TFAP2E: variants seen among roughly 807,000 people sequenced by gnomAD.
The protein encoded by TFAP2E is transcription factor AP-2-epsilon.
TFAP2E carries 30 observed loss-of-function variants against 37.9 expected under a neutral mutation model. The observed-to-expected ratio is 0.79, with a 90% CI of 0.59 to 1.07. The LOEUF is 1.07. TFAP2E is among the 50% of genes least tolerant of loss of function. The pLI, the probability that TFAP2E is intolerant of heterozygous loss-of-function variation, is 0.00. For synonymous variants in TFAP2E, 318 were observed against 295.8 expected (o/e 1.08, Z -0.77); for missense variants, 567 against 637.9 (o/e 0.89, Z 1.20).
Position 35,590,591 on chromosome 1 carries a change from G to A in TFAP2E, c.905-43G>A, listed in dbSNP as rs183770262. ...AGAGGTTCAAAGCTGTGTTCCAGGCGCAGAGGTACACCCTGCAGTAGTGAC... is the reference window on the plus strand; with the variant it reads ...AGAGGTTCAAAGCTGTGTTCCAGGCACAGAGGTACACCCTGCAGTAGTGAC... On this transcript the variant is annotated intron_variant, in intron 5 of 6. Coordinates refer to ENST00000373235, the MANE Select transcript of TFAP2E (RefSeq NM_178548.4). The surrounding 1 kb of genome is among the most constrained non-coding windows in gnomAD (Gnocchi z 6.2). 227 of 1,419,122 alleles carry A rather than the reference G, an allele frequency of 1.6e-4. No individual in the cohort carries two copies. Among genetic ancestry groups the A allele is most frequent in the Non-Finnish European group, 2.0e-4 (210 of 1,075,736 alleles). The allele number at this position is 1,419,122 out of a possible 1,614,324, so 87.9% of individuals were successfully genotyped here. A position where few individuals can be genotyped will look rare whatever the true frequency, so the allele number is the denominator to read the frequency against.
intron 2 of TFAP2E, chr1:35,574,729 G>A: frequency 1.5e-6 from 1 of 661,408 alleles, no homozygotes; most frequent in Admixed American, 2.9e-5. Context: ...ATAGTTACCA[G>A]TGTAAGATTC....
chr1:35,589,194 G>C (rs1378619468), intron 4 of TFAP2E, among the ~76,000 whole-genome samples: 2 of 86,598 alleles, frequency 2.3e-5, no homozygotes, highest in Non-Finnish European at 3.7e-5. Context: ...TGCTCTGTGT[G>C]TGTGTGTGTG....
chr1:35,583,770 A>AC (rs1649413414), intron 3 of TFAP2E, among the ~76,000 whole-genome samples: 1 of 152,038 alleles, frequency 6.6e-6, no homozygotes, highest in Admixed American at 6.6e-5. Context: ...CCTGTGTGCT[A>AC]GTTTAATTCC....
In TFAP2E at chr1:35,573,345, T is replaced by G; in HGVS notation, c.-233T>G. The G allele has an allele frequency of 2.2e-6, 1 of 464,264 alleles. No homozygotes were observed. The highest frequency in any genetic ancestry group is 3.7e-6 in the Non-Finnish European group (1 of 271,358). 28.8% of individuals were successfully genotyped at this position (464,264 alleles called of 1,614,324 possible). ...GGAAGGGCGGGCGCTGGGCACCCGT[T>G]GACCGACTTTTCCAAGTGCGATCAG... On this transcript the variant is annotated 5_prime_UTR_variant, in exon 1 of 7. Transcript: ENST00000373235. The surrounding 1 kb of genome is among the most constrained non-coding windows in gnomAD (Gnocchi z 5.9).
At chr1:35,585,294 A>G (rs77594249) in intron 3 of TFAP2E, among the ~76,000 whole-genome samples, 1,637 of 152,304 alleles carry the variant, frequency 0.011, 25 homozygotes, top group East Asian at 0.061. Context: ...ATTTCACAGA[A>G]AAATCCAGAA....
chr1:35,574,322 C>T lies in TFAP2E; in HGVS notation c.423C>T (p.His141=), dbSNP rs1358742909. 1 of 1,453,294 alleles carries T rather than the reference C, an allele frequency of 6.9e-7. No homozygotes were observed. The highest frequency in any genetic ancestry group is 9.0e-7 in the Non-Finnish European group (1 of 1,112,152). The allele number at this position is 1,453,294 out of a possible 1,614,324, so 90.0% of individuals were successfully genotyped here. The stretch of plus-strand genomic sequence containing the variant: ...CCACTGCCGTGCCCCGGCTCCTGCA[C>T]GGCCTGGCCGACGGCGCGCACGGCC... ...DYATAVPRLL[H]GLADGAHGLA... is the part of the protein sequence containing the mutation. The change falls in exon 2 of 7, where the codon CAC becomes CAT. Residue 141 remains histidine, a synonymous_variant. Coordinates refer to ENST00000373235, the MANE Select transcript of TFAP2E (RefSeq NM_178548.4).
At chr1:35,591,898 G>T (rs1649698435) in intron 6 of TFAP2E, among the ~76,000 whole-genome samples, 1 of 152,166 alleles carries the variant, frequency 6.6e-6, no homozygotes, top group Non-Finnish European at 1.5e-5. Context: ...ATGTTGGCCA[G>T]GCTGGTCTCG....
At chr1:35,587,953 T>C (rs759657638) in intron 3 of TFAP2E, among the ~76,000 whole-genome samples, 1 of 152,068 alleles carries the variant, frequency 6.6e-6, no homozygotes, top group Non-Finnish European at 1.5e-5. Flanking sequence ...AAGAGGGGAT[T>C]TGGGGACTCC....
intron 6 of TFAP2E, among the ~76,000 whole-genome samples, chr1:35,591,670 A>G (rs1235109735): frequency 8.5e-5 from 13 of 152,138 alleles, no homozygotes; most frequent in Non-Finnish European, 1.9e-4. Flanking sequence ...ACAAACTAGT[A>G]TTCTATTAAG....
At position 35,587,653 on chromosome 1, in the gene TFAP2E, A is replaced by AAAAG. The variant is rs1553121944; in HGVS notation, c.563-661_563-658dup. 1.0e-3 allele frequency among the ~76,000 whole-genome samples: 150 copies of AAAAG among 147,768 alleles called. 2 individuals are homozygous for AAAAG. Among genetic ancestry groups the AAAAG allele is most frequent in the South Asian group, 3.7e-3 (17 of 4,606 alleles). ...CTCCATCTCAAAAAAAAAAAAAAAA[A>AAAAG]AAAGAAAGAAAGAAAGAAAATTAAC... On this transcript the variant is annotated intron_variant, in intron 3 of 6. Transcript: ENST00000373235.
intron 3 of TFAP2E, among the ~76,000 whole-genome samples, chr1:35,584,551 T>C (rs540514037): frequency 2.5e-4 from 38 of 152,210 alleles, no homozygotes; most frequent in African/African-American, 8.9e-4. Context: ...TTTGTTTTTG[T>C]TTTTGTTTTT....
At chr1:35,576,688 A>G (rs528727078) in intron 3 of TFAP2E, among the ~76,000 whole-genome samples, 1 of 152,302 alleles carries the variant, frequency 6.6e-6, no homozygotes, top group East Asian at 1.9e-4. Flanking sequence ...CCCCGGTCCG[A>G]AGCCGAGACA....
rs767246132 is a variant in TFAP2E at position 35,590,683 on chromosome 1, G to A, written c.954G>A (p.Glu318=). The change falls in exon 6 of 7, where the codon GAG becomes GAA. Residue 318 remains glutamate, a synonymous_variant. Coordinates refer to ENST00000373235, the MANE Select transcript of TFAP2E (RefSeq NM_178548.4). This position sits in a 1 kb window ranked among gnomAD's most constrained non-coding sequence, Gnocchi z 6.2. ...ARDFGYVCET[E]FPAKAAAEYL... ...ACTTCGGTTACGTCTGTGAGACGGA[G>A]TTCCCAGCCAAGGCAGCTGCCGAGT... 2.1e-5 allele frequency: 33 copies of A among 1,557,988 alleles called. No homozygotes were observed. In the Middle Eastern group the frequency reaches 5.5e-4, roughly 26 times the overall value.
intron 3 of TFAP2E, among the ~76,000 whole-genome samples, chr1:35,585,548 T>G (rs561103005): frequency 5.3e-5 from 8 of 152,342 alleles, no homozygotes; most frequent in African/African-American, 1.9e-4. Flanking sequence ...TGAATTGAGA[T>G]GCGCTTAAGC....
intron 3 of TFAP2E, among the ~76,000 whole-genome samples, chr1:35,587,935 C>T (rs755818447): frequency 6.6e-5 from 10 of 152,050 alleles, no homozygotes; most frequent in Admixed American, 2.6e-4. Context: ...GTGGGAATCA[C>T]GAATGGGAAG....
rs1304066293 is a variant in TFAP2E, at chr1:35,573,314, AGAG to A, written c.-258_-256del. ...GGAGTGCATGGAGCAGGCTACGCTC[AGAG>A]GAGGAAGGGCGGGCGCTGGGCACCC... On this transcript the variant is annotated 5_prime_UTR_variant, in exon 1 of 7. Coordinates refer to ENST00000373235, the MANE Select transcript of TFAP2E (RefSeq NM_178548.4). The surrounding 1 kb of genome is among the most constrained non-coding windows in gnomAD (Gnocchi z 5.9). 6.9e-6 allele frequency: 3 copies of A among 433,828 alleles called. No homozygotes were observed. Among genetic ancestry groups the A allele is most frequent in the Non-Finnish European group, 1.2e-5 (3 of 248,118 alleles). 26.9% of individuals were successfully genotyped at this position (433,828 alleles called of 1,614,324 possible).
chr1:35,589,873 C>T, intron 4 of TFAP2E, 57 bp from the exon 5 acceptor site: 5 of 1,583,620 alleles, frequency 3.2e-6, no homozygotes, highest in Non-Finnish European at 4.3e-6. Context: ...CACTTAGCTT[C>T]CATGCGTTTC....
Position 35,574,401 on chromosome 1 carries a change from G to A in TFAP2E, c.502G>A (p.Asp168Asn), listed in dbSNP as rs1028627399. The change falls in exon 2 of 7, where the codon GAC (aspartate) becomes AAC (asparagine). Residue 168 changes from aspartate (D) to asparagine (N), a missense_variant. Asp to Asn is a conservative substitution (Grantham distance 23). Coordinates refer to ENST00000373235, the MANE Select transcript of TFAP2E (RefSeq NM_178548.4). Reference protein sequence around the residue: ...PGLAAAPGLEDLQAMDEPGMS... With the variant: ...PGLAAAPGLENLQAMDEPGMS... ...GCTGGCGGCGGCCCCCGGTCTGGAG[G>A]ACCTGCAGGTGAGACCCGAGGGATC... The A allele has an allele frequency of 9.1e-5, 130 of 1,431,648 alleles. 1 individual carries two copies. In the East Asian group the frequency reaches 3.6e-3, roughly 39 times the overall value. The allele number at this position is 1,431,648 out of a possible 1,614,324, so 88.7% of individuals were successfully genotyped here. A position where few individuals can be genotyped will look rare whatever the true frequency, so the allele number is the denominator to read the frequency against.
chr1:35,588,512 G>A lies in TFAP2E; in HGVS notation c.745G>A (p.Glu249Lys), dbSNP rs763968050. 2.7e-5 allele frequency: 43 copies of A among 1,604,006 alleles called. No individual in the cohort carries two copies. Among genetic ancestry groups the A allele is most frequent in the Non-Finnish European group, 3.3e-5 (39 of 1,175,776 alleles). The change falls in exon 4 of 7, where the codon GAG becomes AAG. Residue 249 changes from glutamate to lysine, a missense_variant. Coordinates refer to ENST00000373235, the MANE Select transcript of TFAP2E (RefSeq NM_178548.4). The surrounding 1 kb of genome is among the most constrained non-coding windows in gnomAD (Gnocchi z 5.1). ...GGTGCAGCGGCGACTCTCGCCTCCCGAGTGCCTCAACGCCTCCCTCCTGGG... is the reference window on the plus strand; with the variant it reads ...GGTGCAGCGGCGACTCTCGCCTCCCAAGTGCCTCAACGCCTCCCTCCTGGG... ...GEVQRRLSPP[E>K]CLNASLLGGV...
Sources: gnomAD v4.1 joint callset for allele counts (sites outside exome capture counted in the v4.1 genomes callset) on GRCh38, gnomAD v4.1.1 for gene constraint, Gnocchi (gnomAD v3.1) non-coding constraint, MANE v1.5 for transcripts, NCBI Gene and HGNC (gene_info 2026-07-23, HGNC 2026-07-21) for gene names.